NMU: variants seen among roughly 807,000 people sequenced by gnomAD.
NMU encodes the protein neuromedin-U.
NMU carries 29 observed loss-of-function variants against 35.4 expected under a neutral mutation model. The ratio of observed to expected loss-of-function variants is 0.82; its 90% CI spans 0.61 to 1.12. NMU has a LOEUF of 1.12. Among genes scored for constraint, NMU ranks in the 50% most tolerant of loss-of-function variants. The pLI, the probability that NMU is intolerant of heterozygous loss-of-function variation, is 0.00. For synonymous variants in NMU, 78 were observed against 81.3 expected, an observed-to-expected ratio of 0.96 and a Z score of 0.22; for missense variants, 199 against 206.2, an observed-to-expected ratio of 0.97 and a Z score of 0.21.
At chr4:55,618,082 T>C (rs976323522) in intron 2 of NMU, among the ~76,000 whole-genome samples, 1 of 152,254 alleles carries the variant, frequency 6.6e-6, no homozygotes, top group Non-Finnish European at 1.5e-5. Context: ...TGAATGCCAC[T>C]GACTGCTTTT....
chr4:55,629,534 G>A lies in NMU; in HGVS notation c.171+868C>T, dbSNP rs111391437. On this transcript the variant is annotated intron_variant, in intron 2 of 9. Transcript: ENST00000264218. ...CTTGGGAGGCTGAGGTGGGAGAATC[G>A]CTTGAACCCGGGAGGCGGAGGTTGC... Among the ~76,000 whole-genome samples the A allele has an allele frequency of 1.9e-4, 28 of 147,350 alleles. 1 individual carries two copies. The highest frequency in any genetic ancestry group is 8.1e-4 in the East Asian group (4 of 4,934).
chr4:55,627,812 A>G (rs1315367372), intron 2 of NMU, among the ~76,000 whole-genome samples: 1 of 152,256 alleles, frequency 6.6e-6, no homozygotes, highest in Non-Finnish European at 1.5e-5. Context: ...ACTAGAAGAG[A>G]AAAAGCATAT....
At chr4:55,625,859 T>C (rs552766426) in intron 2 of NMU, among the ~76,000 whole-genome samples, 23 of 151,894 alleles carry the variant, frequency 1.5e-4, no homozygotes, top group African/African-American at 4.6e-4. Context: ...TCAAGTGCTG[T>C]AGTAGATTCT....
chr4:55,607,272 T>C (rs1274864896), intron 6 of NMU, 26 bp downstream of exon 6: 2 of 1,510,764 alleles, frequency 1.3e-6, no homozygotes, highest in Non-Finnish European at 1.8e-6. Flanking sequence ...TATTAGTGAT[T>C]ACTAAGAAGT....
chr4:55,596,890 A>C lies in NMU; in HGVS notation c.*5-1479T>G, dbSNP rs371571783. Among the ~76,000 whole-genome samples the C allele has an allele frequency of 9.8e-5, 15 of 152,370 alleles. No individual in the cohort carries two copies. The East Asian group carries it at 2.7e-3, about 27-fold the overall frequency. On this transcript the variant is annotated intron_variant, in intron 9 of 9. Transcript: ENST00000264218. Reference sequence around the variant, plus strand: ...CACTAACAAGTCAGCTACTGTACTAACTTGGTTTGAGACCATTGTATAAAT... The same window carrying C: ...CACTAACAAGTCAGCTACTGTACTACCTTGGTTTGAGACCATTGTATAAAT...
chr4:55,601,492 C>T (rs114816592), intron 7 of NMU, among the ~76,000 whole-genome samples: 3,293 of 151,948 alleles, frequency 0.022, 107 homozygotes, highest in African/African-American at 0.075. Flanking sequence ...TTCATCTTTA[C>T]TATAACTCCC....
intron 1 of NMU, among the ~76,000 whole-genome samples, chr4:55,632,386 A>G (rs1004868538): frequency 6.6e-6 from 1 of 152,186 alleles, no homozygotes; most frequent in Non-Finnish European, 1.5e-5. Flanking sequence ...AATGACAGTA[A>G]TCAACTACAT....
chr4:55,595,555 T>TAC (rs1733134849), intron 9 of NMU, 144 bp from the exon 10 acceptor site: 1 of 125,826 alleles, frequency 7.9e-6, no homozygotes, highest in South Asian at 2.7e-4. Context: ...TATATATATA[T>TAC]ATATATATAC....
At chr4:55,604,168 C>T (rs1412381698) in intron 7 of NMU, among the ~76,000 whole-genome samples, 3 of 148,814 alleles carry the variant, frequency 2.0e-5, no homozygotes, top group South Asian at 2.1e-4. Context: ...CCGGTTCAAG[C>T]GATTCTTCTG....
At chr4:55,604,351 C>T (rs1428966014) in intron 7 of NMU, among the ~76,000 whole-genome samples, 1 of 151,668 alleles carries the variant, frequency 6.6e-6, no homozygotes, top group Admixed American at 6.6e-5. Context: ...CAGGCATGAG[C>T]GACAAGAGTT....
At chr4:55,625,169 T>TAAA (rs760890031) in intron 2 of NMU, among the ~76,000 whole-genome samples, 7,409 of 98,158 alleles carry the variant, frequency 0.075, 425 homozygotes, top group African/African-American at 0.089. Flanking sequence ...AAAGTATAAT[T>TAAA]AAAAAAAAAA....
intron 9 of NMU, among the ~76,000 whole-genome samples, chr4:55,597,290 G>A (rs1019740658): frequency 1.1e-4 from 17 of 151,432 alleles, no homozygotes; most frequent in African/African-American, 4.1e-4. Context: ...AAAATTATTG[G>A]CTTAGTACTT....
chr4:55,601,325 T>C (rs1733414217), intron 7 of NMU, among the ~76,000 whole-genome samples: 1 of 152,134 alleles, frequency 6.6e-6, no homozygotes, highest in South Asian at 2.1e-4. Flanking sequence ...AGCATGGCTA[T>C]CACCATGAAA....
chr4:55,636,255 C>T lies in NMU; in HGVS notation c.-63G>A, dbSNP rs1715924425. On this transcript the variant is annotated 5_prime_UTR_variant, in exon 1 of 10. Coordinates refer to ENST00000264218, the MANE Select transcript of NMU (RefSeq NM_006681.4). This position sits in a 1 kb window ranked among gnomAD's most constrained non-coding sequence, Gnocchi z 4.0. ...CGCTGCGCCACGCGTAGCTGGTGCT[C>T]CACCTGGTGCCCTGGCTGTGCCTCG... 7.1e-7 allele frequency: 1 copy of T among 1,409,876 alleles called. No homozygotes were observed. The highest frequency in any genetic ancestry group is 3.2e-5 in the Admixed American group (1 of 31,188). The allele number at this position is 1,409,876 out of a possible 1,614,324, so 87.3% of individuals were successfully genotyped here. A position where few individuals can be genotyped will look rare whatever the true frequency, so the allele number is the denominator to read the frequency against.
intron 9 of NMU, among the ~76,000 whole-genome samples, chr4:55,596,471 T>C (rs1733185758): frequency 6.6e-6 from 1 of 151,872 alleles, no homozygotes; most frequent in Admixed American, 6.6e-5. Flanking sequence ...TTTTTTCCCA[T>C]TTAATATTAA....
intron 1 of NMU, among the ~76,000 whole-genome samples, chr4:55,633,083 G>C (rs1715699500): frequency 6.6e-6 from 1 of 151,702 alleles, no homozygotes; most frequent in African/African-American, 2.4e-5. Flanking sequence ...CCAGCACTTT[G>C]AGAGGCCAAG....
chr4:55,625,169 T>TTA lies in NMU; in HGVS notation c.171+5232_171+5233insTA, dbSNP rs1553911266. 3.1e-5 allele frequency among the ~76,000 whole-genome samples: 3 copies of TTA among 98,334 alleles called. 1 individual carries two copies. The highest frequency in any genetic ancestry group is 1.2e-4 in the African/African-American group (3 of 25,570). The allele number at this position is 98,334 out of a possible 152,430, so 64.5% of individuals were successfully genotyped here. On this transcript the variant is annotated intron_variant, in intron 2 of 9. Coordinates refer to ENST00000264218, the MANE Select transcript of NMU (RefSeq NM_006681.4). The stretch of plus-strand genomic sequence containing the variant: ...TGTACCCTAAAACTTAAAGTATAAT[T>TTA]AAAAAAAAAAAAAAAAAAAAAAGAA...
chr4:55,618,724 TTTC>T (rs1734221279), intron 2 of NMU, among the ~76,000 whole-genome samples: 4 of 148,454 alleles, frequency 2.7e-5, no homozygotes, highest in South Asian at 2.2e-4. Flanking sequence ...TTCTTCTCTC[TTTC>T]TTCTTTCTTT....
chr4:55,630,714 A>G (rs1734720214), intron 1 of NMU, among the ~76,000 whole-genome samples: 1 of 152,196 alleles, frequency 6.6e-6, no homozygotes, highest in Admixed American at 6.5e-5. Context: ...TCTCATGCTC[A>G]TGAATTGGAA....
Sources: gnomAD v4.1 joint callset for allele counts (sites outside exome capture counted in the v4.1 genomes callset) on GRCh38, gnomAD v4.1.1 for gene constraint, Gnocchi (gnomAD v3.1) non-coding constraint, MANE v1.5 for transcripts, NCBI Gene and HGNC (gene_info 2026-07-23, HGNC 2026-07-21) for gene names.